Variants in TLE4 observed in about 807,000 individuals in gnomAD.
The protein encoded by TLE4 is TLE family member 4, transcriptional corepressor.
TLE4 carries 8 observed loss-of-function variants against 92.8 expected under a neutral mutation model. The observed-to-expected ratio is 0.09, with a 90% CI of 0.05 to 0.16. TLE4 has a LOEUF of 0.16. Ranked by LOEUF, TLE4 falls within the 10% of genes least tolerant of loss-of-function variation. The pLI, the probability that TLE4 is intolerant of heterozygous loss-of-function variation, is 1.00. For synonymous variants in TLE4, 371 were observed against 374.1 expected (o/e 0.99, Z 0.10); for missense variants, 675 against 997.6 (o/e 0.68, Z 4.36).
At chr9:79,689,597 C>A (rs968287678) in intron 8 of TLE4, among the ~76,000 whole-genome samples, 2 of 152,154 alleles carry the variant, frequency 1.3e-5, no homozygotes, top group African/African-American at 4.8e-5. Context: ...AGCATCTTGC[C>A]TCATCTTATG....
chr9:79,721,639 C>T lies in TLE4; in HGVS notation c.1839-102C>T, dbSNP rs1273549932. On this transcript the variant is annotated intron_variant, in intron 16 of 19. Transcript: ENST00000376552. ...CCATAATAAACCAAAATGAAATCTA[C>T]AAATAAGGCCTGCATTGAAATTGAA... The T allele has an allele frequency of 4.0e-6, 6 of 1,517,868 alleles. No individual in the cohort carries two copies. In the Admixed American group the frequency reaches 8.7e-5, roughly 22 times the overall value. The allele number at this position is 1,517,868 out of a possible 1,614,324, so 94.0% of individuals were successfully genotyped here. A position where few individuals can be genotyped will look rare whatever the true frequency, so the allele number is the denominator to read the frequency against.
At chr9:79,612,537 T>C (rs1404519882) in intron 4 of TLE4, 119 bp from the exon 5 acceptor site, 2 of 924,590 alleles carry the variant, frequency 2.2e-6, no homozygotes, top group African/African-American at 3.3e-5. Context: ...TTCCTCTTCC[T>C]TAGGAAATAT....
At chr9:79,604,879 C>T (rs755318648) in intron 4 of TLE4, among the ~76,000 whole-genome samples, 4 of 152,156 alleles carry the variant, frequency 2.6e-5, no homozygotes, top group African/African-American at 4.8e-5. Context: ...TCTCCGTTTA[C>T]TCTGGGAACA....
intron 4 of TLE4, among the ~76,000 whole-genome samples, chr9:79,579,777 T>A (rs181427121): frequency 6.6e-6 from 1 of 152,248 alleles, no homozygotes; most frequent in East Asian, 1.9e-4. Flanking sequence ...ACCATTTGAG[T>A]GCTGCTAAAA....
chr9:79,573,469 GCCTGCGGGCGGGAGTATGCGGGGC>G (rs765246566), intron 1 of TLE4, 196 bp from the exon 2 acceptor site: 29 of 1,037,570 alleles, frequency 2.8e-5, no homozygotes, highest in Non-Finnish European at 3.6e-5. Flanking sequence ...GGGCGCGGGG[GCCTGCGGGCGGGAGTATGCGGGGC>G]CCCAGGACCA....
chr9:79,641,559 C>T (rs2057153675), intron 6 of TLE4, among the ~76,000 whole-genome samples: 1 of 152,190 alleles, frequency 6.6e-6, no homozygotes, highest in Non-Finnish European at 1.5e-5. Flanking sequence ...CTGGTCACAG[C>T]AAGCGTCTCT....
At chr9:79,684,268 G>T (rs1052221098) in intron 8 of TLE4, among the ~76,000 whole-genome samples, 2 of 152,104 alleles carry the variant, frequency 1.3e-5, no homozygotes, top group Admixed American at 6.5e-5. Context: ...TTATATGTCT[G>T]CAGTCAGCTG....
chr9:79,677,627 A>G (rs1456987628), intron 8 of TLE4, among the ~76,000 whole-genome samples: 2 of 128,440 alleles, frequency 1.6e-5, no homozygotes, highest in African/African-American at 3.2e-5. Context: ...TTTTTTTTGT[A>G]AAACAATTCT....
chr9:79,674,938 G>T (rs1256179577), intron 8 of TLE4, among the ~76,000 whole-genome samples: 4 of 152,144 alleles, frequency 2.6e-5, no homozygotes, highest in Non-Finnish European at 5.9e-5. Context: ...TCAGTTTGCT[G>T]GAGGTTAATA....
intron 6 of TLE4, among the ~76,000 whole-genome samples, chr9:79,634,904 G>A (rs184557078): frequency 1.0e-3 from 152 of 152,274 alleles, no homozygotes; most frequent in Middle Eastern, 3.4e-3. Flanking sequence ...AGGACAGTTG[G>A]TTGAATAAAG....
At chr9:79,670,448 A>G (rs1310796224) in intron 8 of TLE4, among the ~76,000 whole-genome samples, 1 of 152,202 alleles carries the variant, frequency 6.6e-6, no homozygotes, top group Non-Finnish European at 1.5e-5. Context: ...AAGGGTAAGC[A>G]TATTTTTGTA....
chr9:79,716,586 G>C (rs1167224584), intron 14 of TLE4, among the ~76,000 whole-genome samples: 1 of 152,182 alleles, frequency 6.6e-6, no homozygotes, highest in Admixed American at 6.5e-5. Flanking sequence ...AGGCATTTAG[G>C]AAGTATTTGC....
At position 79,652,486 on chromosome 9, in the gene TLE4, C is replaced by T. The variant is rs576580917; in HGVS notation, c.391-107C>T. 4.6e-5 allele frequency: 59 copies of T among 1,269,730 alleles called. 1 individual carries two copies. The highest frequency in any genetic ancestry group is 4.2e-4 in the South Asian group (33 of 79,280). 78.7% of individuals were successfully genotyped at this position (1,269,730 alleles called of 1,614,324 possible). ...ACAGGCGTGAGCCACCGTGCCCAGCCGGTGTTGGCTTTTTTACTGCCGATT... is the reference window on the plus strand; with the variant it reads ...ACAGGCGTGAGCCACCGTGCCCAGCTGGTGTTGGCTTTTTTACTGCCGATT... On this transcript the variant is annotated intron_variant, in intron 6 of 19. Coordinates refer to ENST00000376552, the MANE Select transcript of TLE4 (RefSeq NM_007005.6).
intron 8 of TLE4, among the ~76,000 whole-genome samples, chr9:79,674,312 A>G (rs1170696602): frequency 6.8e-6 from 1 of 146,968 alleles, no homozygotes; most frequent in Non-Finnish European, 1.5e-5. Context: ...CGTGTTGCAG[A>G]TGAGGAAAGT....
intron 8 of TLE4, among the ~76,000 whole-genome samples, chr9:79,688,538 A>G (rs933153551): frequency 2.0e-5 from 3 of 152,014 alleles, no homozygotes; most frequent in Admixed American, 2.0e-4. Flanking sequence ...AAGCTTGTAA[A>G]TAGAAGTGCT....
intron 14 of TLE4, among the ~76,000 whole-genome samples, chr9:79,716,394 CTT>C (rs767506038): frequency 5.3e-5 from 8 of 152,302 alleles, no homozygotes; most frequent in Middle Eastern, 3.4e-3. Flanking sequence ...CCCCTACTCT[CTT>C]TTATCTGAAA....
intron 8 of TLE4, among the ~76,000 whole-genome samples, chr9:79,691,681 G>C (rs758896752): frequency 3.3e-5 from 5 of 152,090 alleles, no homozygotes; most frequent in Non-Finnish European, 7.3e-5. Flanking sequence ...AGCTATGCAT[G>C]TGTTATTCCC....
chr9:79,626,586 T>C (rs1251544174), intron 5 of TLE4, among the ~76,000 whole-genome samples: 1 of 152,178 alleles, frequency 6.6e-6, no homozygotes, highest in Non-Finnish European at 1.5e-5. Flanking sequence ...TGTCTAGATA[T>C]ATATGAGTGC....
intron 5 of TLE4, 76 bp from the exon 6 acceptor site, chr9:79,627,298 G>T: frequency 6.9e-7 from 1 of 1,452,184 alleles, no homozygotes; most frequent in Non-Finnish European, 9.7e-7. Flanking sequence ...TGAAGTTAGA[G>T]GACATGTTAG....
Sources: gnomAD v4.1 joint callset for allele counts (sites outside exome capture counted in the v4.1 genomes callset) on GRCh38, gnomAD v4.1.1 for gene constraint, MANE v1.5 for transcripts, NCBI Gene and HGNC (gene_info 2026-07-23, HGNC 2026-07-21) for gene names.